The following NCAPG variants were observed in gnomAD, a reference collection of about 807,000 sequenced individuals.
The protein encoded by NCAPG is non-SMC condensin I complex subunit G, also known as condensin complex subunit 3.
Under a neutral mutation model 113.1 loss-of-function variants are expected in NCAPG, and 69 were observed. That is an observed-to-expected ratio of 0.61 (90% CI 0.50 to 0.75). The LOEUF is 0.75. NCAPG is among the 30% of genes least tolerant of loss of function. The probability of loss-of-function intolerance (pLI) is 0.00; values close to 1 mark genes in which losing one functional copy is unlikely to be tolerated. For synonymous variants in NCAPG, 370 were observed against 415.8 expected (o/e 0.89, Z 1.34); for missense variants, 1,058 against 1,177.0 (o/e 0.90, Z 1.48).
intron 16 of NCAPG, 63 bp downstream of exon 16, chr4:17,837,864 C>T: frequency 3.2e-6 from 5 of 1,571,992 alleles, no homozygotes; most frequent in Non-Finnish European, 1.7e-6. Flanking sequence ...TCTCAAAGAT[C>T]CCTTGAAATA....
At chr4:17,816,565 A>T (rs1721220855) in intron 5 of NCAPG, among the ~76,000 whole-genome samples, 1 of 152,232 alleles carries the variant, frequency 6.6e-6, no homozygotes, top group South Asian at 2.1e-4. Flanking sequence ...GGATGACCTT[A>T]AAAGCTAAGA....
At position 17,837,238 on chromosome 4, in the gene NCAPG, T is replaced by C; in HGVS notation, c.2189T>C (p.Leu730Pro). 1 of 1,614,044 alleles carries C rather than the reference T, an allele frequency of 6.2e-7. No homozygotes were observed. The highest frequency in any genetic ancestry group is 8.5e-7 in the Non-Finnish European group (1 of 1,179,954). Residue 730 changes from leucine (L) to proline (P), a missense_variant, in exon 15 of 21, where the codon CTT becomes CCT. Leu to Pro is a moderately conservative substitution (Grantham distance 98). Coordinates refer to ENST00000251496, the MANE Select transcript of NCAPG (RefSeq NM_022346.5). ...FSGLLVSSRI[L>P]SRLILLWYNP... The stretch of plus-strand genomic sequence containing the variant: ...GGGCTTTTGGTCAGCAGCAGGATTC[T>C]TTCTCGTCTTATTTTGTTATGGTAC...
chr4:17,837,691 G>A lies in NCAPG; in HGVS notation c.2356G>A (p.Ala786Thr). 6.2e-7 allele frequency: 1 copy of A among 1,613,962 alleles called. No individual in the cohort carries two copies. Among genetic ancestry groups the A allele is most frequent in the South Asian group, 1.1e-5 (1 of 91,086 alleles). ...CCTGCAAACACTGGCCAATGCCCCT[G>A]CATCTTCTCCTTTAGCTGAAATTGA... ...PTLQTLANAP[A>T]SSPLAEIDIT... is the part of the protein sequence containing the mutation. The change falls in exon 16 of 21, where the codon GCA becomes ACA. Residue 786 changes from alanine to threonine, a missense_variant. Transcript: ENST00000251496.
At chr4:17,812,460 A>G (rs201292034) in intron 2 of NCAPG, 36 bp downstream of exon 2, 2 of 1,572,722 alleles carry the variant, frequency 1.3e-6, no homozygotes, top group African/African-American at 1.4e-5. Flanking sequence ...GAGGGATTTT[A>G]GAAAATTTTG....
chr4:17,841,012 T>G (rs1722349110), intron 19 of NCAPG, among the ~76,000 whole-genome samples: 1 of 152,044 alleles, frequency 6.6e-6, no homozygotes, highest in African/African-American at 2.4e-5. Flanking sequence ...TGTTCTATCC[T>G]TCCTGTAACT....
At position 17,813,037 on chromosome 4, in the gene NCAPG, G is replaced by A. The variant is rs150541186; in HGVS notation, c.436G>A (p.Ala146Thr). The A allele has an allele frequency of 8.7e-6, 14 of 1,613,850 alleles. No homozygotes were observed. Among genetic ancestry groups the A allele is most frequent in the African/African-American group, 2.7e-5 (2 of 74,892 alleles). ...TGATGTGTTTGATAAAATTAATAAA[G>A]CCATGCTTATTAGATTGAAAGATAA... ...DDDVFDKINK[A>T]MLIRLKDKIP... The change falls in exon 3 of 21, where the codon GCC (alanine) becomes ACC (threonine). Residue 146 changes from alanine to threonine, a missense_variant. By Grantham distance (58) the Ala-to-Thr change is moderately conservative. Transcript: ENST00000251496.
chr4:17,839,288 G>C (rs532239812), intron 16 of NCAPG, among the ~76,000 whole-genome samples: 5 of 152,290 alleles, frequency 3.3e-5, no homozygotes, highest in African/African-American at 1.2e-4. Context: ...CTGAAACACT[G>C]TACTTGTGCA....
chr4:17,836,180 T>C (rs1392915193), intron 14 of NCAPG, among the ~76,000 whole-genome samples: 2 of 152,330 alleles, frequency 1.3e-5, no homozygotes, highest in African/African-American at 4.8e-5. Context: ...TGCTACTTCA[T>C]TGTGGTTTTG....
chr4:17,813,005 T>C lies in NCAPG; in HGVS notation c.404T>C (p.Ile135Thr). 1.2e-6 allele frequency: 2 copies of C among 1,613,996 alleles called. No homozygotes were observed. The highest frequency in any genetic ancestry group is 1.7e-6 in the Non-Finnish European group (2 of 1,179,944). The change falls in exon 3 of 21, where the codon ATT becomes ACT. Residue 135 changes from isoleucine (I) to threonine (T), a missense_variant. Ile to Thr is a moderately conservative substitution (Grantham distance 89). Coordinates refer to ENST00000251496, the MANE Select transcript of NCAPG (RefSeq NM_022346.5). ...GGAAGTATGCCAGAAAATGCTCAGATTGATGATGATGTGTTTGATAAAATT... is the reference window on the plus strand; with the variant it reads ...GGAAGTATGCCAGAAAATGCTCAGACTGATGATGATGTGTTTGATAAAATT... ...LLGSMPENAQ[I>T]DDDVFDKINK... is the part of the protein sequence containing the mutation.
At chr4:17,818,239 T>G (rs1431629964) in intron 7 of NCAPG, 151 bp downstream of exon 7, 46 of 702,894 alleles carry the variant, frequency 6.5e-5, no homozygotes, top group Non-Finnish European at 9.1e-5. Flanking sequence ...CGAGTCTTTT[T>G]GAATATCTTG....
chr4:17,829,565 T>G (rs1721785692), intron 12 of NCAPG, among the ~76,000 whole-genome samples: 1 of 152,214 alleles, frequency 6.6e-6, no homozygotes, highest in South Asian at 2.1e-4. Flanking sequence ...TACAGTGTTA[T>G]GTGAAGAATA....
Position 17,843,523 on chromosome 4 carries a change from C to A in NCAPG, c.*98C>A. On this transcript the variant is annotated 3_prime_UTR_variant, in exon 21 of 21. Coordinates refer to ENST00000251496, the MANE Select transcript of NCAPG (RefSeq NM_022346.5). ...GTCAAAATCAGAACAAACCTGATGT[C>A]TTTCTGAAGATTTTCTGCTGTGCGC... 7.3e-7 allele frequency: 1 copy of A among 1,376,686 alleles called. No individual in the cohort carries two copies. Among genetic ancestry groups the A allele is most frequent in the Non-Finnish European group, 1.0e-6 (1 of 999,938 alleles). 85.3% of individuals were successfully genotyped at this position (1,376,686 alleles called of 1,614,324 possible). A position where few individuals can be genotyped will look rare whatever the true frequency, so the allele number is the denominator to read the frequency against.
intron 13 of NCAPG, among the ~76,000 whole-genome samples, chr4:17,831,633 CGTG>C (rs1721874460): frequency 6.6e-6 from 1 of 152,036 alleles, no homozygotes; most frequent in Non-Finnish European, 1.5e-5. Context: ...GAGCGAACCA[CGTG>C]GTTATTTGGG....
chr4:17,823,609 G>A (rs1413585814), intron 8 of NCAPG, 38 bp from the exon 9 acceptor site: 2 of 1,560,154 alleles, frequency 1.3e-6, no homozygotes, highest in Non-Finnish European at 1.8e-6. Flanking sequence ...AACATGTTTT[G>A]TCATAATAAT....
chr4:17,825,147 T>C (rs1274397601), intron 10 of NCAPG, 90 bp downstream of exon 10: 2 of 939,688 alleles, frequency 2.1e-6, no homozygotes, highest in Non-Finnish European at 3.2e-6. Flanking sequence ...CTGAAATGTT[T>C]CTCACATAAT....
chr4:17,823,887 A>C, intron 9 of NCAPG, 117 bp downstream of exon 9: 1 of 796,140 alleles, frequency 1.3e-6, no homozygotes, highest in East Asian at 2.8e-5. Context: ...CGTCTCTTTA[A>C]TGAGTTTTAA....
Position 17,834,409 on chromosome 4 carries a change from T to A in NCAPG, c.1995T>A (p.Leu665=). 6.2e-7 allele frequency: 1 copy of A among 1,611,786 alleles called. No individual in the cohort carries two copies. The highest frequency in any genetic ancestry group is 8.5e-7 in the Non-Finnish European group (1 of 1,178,922). The change falls in exon 14 of 21, where the codon CTT becomes CTA. Residue 665 remains leucine (L), a synonymous_variant. Coordinates refer to ENST00000251496, the MANE Select transcript of NCAPG (RefSeq NM_022346.5). Reference sequence around the variant, plus strand: ...TTAAAACTAAAAAAATCAAAACACTTCATTGTGAAGGTACAGAAATAAACA... The same window carrying A: ...TTAAAACTAAAAAAATCAAAACACTACATTGTGAAGGTACAGAAATAAACA... ...EPFKTKKIKT[L]HCEGTEINSD...
rs749148384 is a variant in NCAPG, at chr4:17,812,339, C to A, written c.230C>A (p.Thr77Asn). Reference protein sequence around the residue: ...RVIEFAAKFVTSFHQSDMEDD... With the variant: ...RVIEFAAKFVNSFHQSDMEDD... ...ATAGAATTTGCAGCAAAGTTTGTTACCTCATTTCACCAATCAGATATGGAA... is the reference window on the plus strand; with the variant it reads ...ATAGAATTTGCAGCAAAGTTTGTTAACTCATTTCACCAATCAGATATGGAA... The change falls in exon 2 of 21, where the codon ACC becomes AAC. Residue 77 changes from threonine (T) to asparagine (N), a missense_variant. By Grantham distance (65) the Thr-to-Asn change is moderately conservative (BLOSUM62 0). Transcript: ENST00000251496. 6.2e-6 allele frequency: 10 copies of A among 1,613,702 alleles called. No individual in the cohort carries two copies. The Admixed American group carries it at 1.7e-4, about 27-fold the overall frequency.
At chr4:17,812,546 T>A in intron 2 of NCAPG, 122 bp downstream of exon 2, 2 of 711,374 alleles carry the variant, frequency 2.8e-6, no homozygotes, top group Admixed American at 2.8e-5. Context: ...CCTGAATGAG[T>A]CTACCTTTCA....
Sources: allele counts gnomAD v4.1 joint callset (sites outside exome capture counted in the v4.1 genomes callset), GRCh38; gene constraint gnomAD v4.1.1; transcripts MANE v1.5; gene names NCBI Gene and HGNC (gene_info 2026-07-23, HGNC 2026-07-21).